GRIN2A: variants seen among roughly 807,000 people sequenced by gnomAD.
GRIN2A encodes the protein glutamate receptor ionotropic, NMDA 2A.
GRIN2A carries 22 observed loss-of-function variants against 113.4 expected under a neutral mutation model. The ratio of observed to expected loss-of-function variants is 0.19; its 90% confidence interval spans 0.14 to 0.28. GRIN2A has a LOEUF of 0.28. Ranked by LOEUF, GRIN2A falls within the 10% of genes least tolerant of loss-of-function variation. The probability of loss-of-function intolerance (pLI) is 1.00; values close to 1 mark genes in which losing one functional copy is unlikely to be tolerated. For missense variants in GRIN2A, 1,502 were observed against 1,887.0 expected (o/e 0.80, Z 3.78); for synonymous variants, 827 against 738.4 (o/e 1.12, Z -1.94).
chr16:10,060,842 C>A (rs985335156), intron 2 of GRIN2A, among the ~76,000 whole-genome samples: 1 of 152,178 alleles, frequency 6.6e-6, no homozygotes, highest in Non-Finnish European at 1.5e-5. Context: ...TCATAACACA[C>A]CCACAACAGT....
intron 2 of GRIN2A, chr16:10,112,879 A>C (rs965820376): frequency 2.0e-6 from 1 of 505,334 alleles, no homozygotes; most frequent in African/African-American, 1.9e-5. Context: ...AAGCAGCTGT[A>C]CTGAGGATAG....
chr16:10,085,968 G>A (rs959902410), intron 2 of GRIN2A, among the ~76,000 whole-genome samples: 9 of 152,208 alleles, frequency 5.9e-5, no homozygotes, highest in Non-Finnish European at 7.4e-5. Flanking sequence ...AAAATGTCAC[G>A]TCTGTCACAT....
intron 2 of GRIN2A, among the ~76,000 whole-genome samples, chr16:10,007,537 T>G (rs1335851489): frequency 6.6e-6 from 1 of 152,226 alleles, no homozygotes; most frequent in African/African-American, 2.4e-5. Context: ...ATTAATCCCT[T>G]GCCAGATGGA....
intron 3 of GRIN2A, among the ~76,000 whole-genome samples, chr16:9,924,249 T>C (rs2044413636): frequency 6.6e-6 from 1 of 152,010 alleles, no homozygotes; most frequent in South Asian, 2.1e-4. Flanking sequence ...AAGAACTTCA[T>C]TTAATATTTT....
intron 2 of GRIN2A, 153 bp downstream of exon 2, chr16:10,179,845 C>T: frequency 8.4e-6 from 6 of 711,738 alleles, no homozygotes; most frequent in Non-Finnish European, 1.5e-5. Context: ...AGAGGCAAGA[C>T]CTGGTTCTCA....
intron 2 of GRIN2A, among the ~76,000 whole-genome samples, chr16:10,067,902 C>G (rs2047679560): frequency 6.6e-6 from 1 of 152,214 alleles, no homozygotes; most frequent in Admixed American, 6.5e-5. Flanking sequence ...TCCCAAATGT[C>G]ATGATGCCAA....
At chr16:10,003,035 T>C (rs577352744) in intron 2 of GRIN2A, among the ~76,000 whole-genome samples, 4 of 152,236 alleles carry the variant, frequency 2.6e-5, no homozygotes, top group Admixed American at 6.5e-5. Context: ...TGAGTGAGTG[T>C]GTAGCAACTG....
At chr16:9,856,935 T>C (rs2042979091) in intron 4 of GRIN2A, among the ~76,000 whole-genome samples, 1 of 152,152 alleles carries the variant, frequency 6.6e-6, no homozygotes, top group Admixed American at 6.5e-5. Flanking sequence ...AGATGTGATG[T>C]CAGCTCAATG....
At chr16:10,017,090 G>GT in intron 2 of GRIN2A, among the ~76,000 whole-genome samples, 1 of 152,186 alleles carries the variant, frequency 6.6e-6, no homozygotes, top group East Asian at 1.9e-4. Flanking sequence ...GGGCAAATGA[G>GT]TTTGAGTCCA....
At chr16:10,176,370 C>G (rs966084919) in intron 2 of GRIN2A, among the ~76,000 whole-genome samples, 1 of 152,130 alleles carries the variant, frequency 6.6e-6, no homozygotes, top group African/African-American at 2.4e-5. Context: ...ACATTAGCAC[C>G]TCCATTGTAA....
intron 2 of GRIN2A, among the ~76,000 whole-genome samples, chr16:10,091,897 T>A (rs376631551): frequency 2.0e-5 from 3 of 152,178 alleles, no homozygotes; most frequent in African/African-American, 7.2e-5. Flanking sequence ...CCTGAGATAA[T>A]TTTTTTAGGG....
At chr16:9,966,612 G>A (rs1015386220) in intron 2 of GRIN2A, among the ~76,000 whole-genome samples, 5 of 152,078 alleles carry the variant, frequency 3.3e-5, no homozygotes, top group African/African-American at 4.8e-5. Context: ...ATAATAGAAC[G>A]ATCTATATTC....
intron 2 of GRIN2A, among the ~76,000 whole-genome samples, chr16:9,967,875 A>G (rs910631808): frequency 5.9e-5 from 9 of 152,188 alleles, no homozygotes; most frequent in Admixed American, 5.2e-4. Flanking sequence ...CCTGTACCCC[A>G]AAAACTATTG....
chr16:9,890,840 T>C, intron 4 of GRIN2A, 146 bp downstream of exon 4: 1 of 667,460 alleles, frequency 1.5e-6, no homozygotes, highest in Non-Finnish European at 2.7e-6. Context: ...TAGTCTGCCT[T>C]GTTGCAAGAA....
chr16:9,796,278 A>C (rs1902976676), intron 11 of GRIN2A, among the ~76,000 whole-genome samples: 1 of 152,192 alleles, frequency 6.6e-6, no homozygotes, highest in Admixed American at 6.5e-5. Flanking sequence ...TCATCCATAC[A>C]TGTATTTATT....
chr16:9,778,988 CA>C (rs1901779597), intron 11 of GRIN2A, among the ~76,000 whole-genome samples: 1 of 152,188 alleles, frequency 6.6e-6, no homozygotes, highest in Non-Finnish European at 1.5e-5. Context: ...AGGGAGGGTG[CA>C]ATGAATCAAG....
At chr16:9,912,806 C>G (rs2044171887) in intron 3 of GRIN2A, among the ~76,000 whole-genome samples, 2 of 152,198 alleles carry the variant, frequency 1.3e-5, no homozygotes. Flanking sequence ...GGTGAATGAT[C>G]TGAGCCAAGG....
chr16:10,019,045 G>A (rs2046665119), intron 2 of GRIN2A, among the ~76,000 whole-genome samples: 1 of 149,966 alleles, frequency 6.7e-6, no homozygotes, highest in Admixed American at 6.6e-5. Flanking sequence ...ATAAGTCCAA[G>A]GAAGTGTTGA....
chr16:9,969,920 G>A (rs776818178), intron 2 of GRIN2A, among the ~76,000 whole-genome samples: 12 of 152,172 alleles, frequency 7.9e-5, no homozygotes, highest in Non-Finnish European at 1.5e-4. Flanking sequence ...TCACAGGCAC[G>A]CCTACTCCCG....
Sources: allele counts gnomAD v4.1 joint callset (sites outside exome capture counted in the v4.1 genomes callset), GRCh38; gene constraint gnomAD v4.1.1; transcripts MANE v1.5; gene names NCBI Gene and HGNC (gene_info 2026-07-23, HGNC 2026-07-21).